Variants in SDCCAG8 observed in about 807,000 individuals in gnomAD.
SDCCAG8 encodes the protein serologically defined colon cancer antigen 8.
In SDCCAG8, 74 loss-of-function variants were observed where a neutral mutation model predicts 101.8. That is an observed-to-expected ratio of 0.73 (90% CI 0.60 to 0.88). The LOEUF (loss-of-function observed/expected upper bound fraction) is 0.88. SDCCAG8 is among the 40% of genes least tolerant of loss of function. The pLI is 0.00. For synonymous variants in SDCCAG8, 281 were observed against 292.9 expected (o/e 0.96, Z 0.41); for missense variants, 787 against 822.6 (o/e 0.96, Z 0.53).
intron 13 of SDCCAG8, among the ~76,000 whole-genome samples, chr1:243,405,865 G>A (rs2079742483): frequency 2.0e-5 from 3 of 151,412 alleles, no homozygotes; most frequent in South Asian, 4.2e-4. Flanking sequence ...TAGCCACAAG[G>A]GAACCAACAT....
chr1:243,482,898 C>T (rs1477360145), intron 16 of SDCCAG8, among the ~76,000 whole-genome samples: 1 of 152,158 alleles, frequency 6.6e-6, no homozygotes, highest in Non-Finnish European at 1.5e-5. Flanking sequence ...TCGGACGATT[C>T]TGTGTTTCCT....
In SDCCAG8 at chr1:243,474,832, C is replaced by A. The variant is rs1219957143; in HGVS notation, c.1986-14182C>A. Among the ~76,000 whole-genome samples the A allele has an allele frequency of 1.3e-5, 2 of 152,254 alleles. No homozygotes were observed. Among genetic ancestry groups the A allele is most frequent in the African/African-American group, 4.8e-5 (2 of 41,474 alleles). ...TGAACGTGCACAGCCGCTCCTAACT[C>A]CGTCAACGGAATTTCACTCAACTCC... On this transcript the variant is annotated intron_variant, in intron 16 of 17. Coordinates refer to ENST00000366541, the MANE Select transcript of SDCCAG8 (RefSeq NM_006642.5). The surrounding 1 kb of genome is among the most constrained non-coding windows in gnomAD (Gnocchi z 4.7).
At chr1:243,457,963 T>TA in intron 16 of SDCCAG8, among the ~76,000 whole-genome samples, 1 of 152,256 alleles carries the variant, frequency 6.6e-6, no homozygotes, top group African/African-American at 2.4e-5. Flanking sequence ...AATTTGGCTA[T>TA]AATATGTTAG....
At position 243,426,471 on chromosome 1, in the gene SDCCAG8, A is replaced by G. The variant is rs1330860751; in HGVS notation, c.1898A>G (p.Asp633Gly). 6.2e-7 allele frequency: 1 copy of G among 1,613,768 alleles called. No homozygotes were observed. The highest frequency in any genetic ancestry group is 1.3e-5 in the African/African-American group (1 of 74,926). ...QLSQEKRYTY[D>G]KLGKLQRRNE... ...AGTCAAGAAAAAAGGTATACATATG[A>G]TAAATTGGGAAAGTTACAGAGAAGA... The change falls in exon 16 of 18, where the codon GAT becomes GGT. Residue 633 changes from aspartate (D) to glycine (G), a missense_variant. Transcript: ENST00000366541.
intron 12 of SDCCAG8, among the ~76,000 whole-genome samples, chr1:243,345,655 C>G (rs1349154402): frequency 6.6e-6 from 1 of 152,038 alleles, no homozygotes; most frequent in Middle Eastern, 3.2e-3. Context: ...ATATTTTGGA[C>G]TAACTGCAAA....
At chr1:243,347,762 A>AT (rs2075804290) in intron 12 of SDCCAG8, among the ~76,000 whole-genome samples, 1 of 152,156 alleles carries the variant, frequency 6.6e-6, no homozygotes, top group African/African-American at 2.4e-5. Flanking sequence ...CATGACAAGG[A>AT]TGAGCTGACC....
At chr1:243,469,841 T>G (rs971572993) in intron 16 of SDCCAG8, among the ~76,000 whole-genome samples, 1 of 151,048 alleles carries the variant, frequency 6.6e-6, no homozygotes, top group Non-Finnish European at 1.5e-5. Flanking sequence ...TTTTTTTTTT[T>G]TTTTTTTTTT....
intron 12 of SDCCAG8, among the ~76,000 whole-genome samples, chr1:243,365,610 A>G (rs2076951401): frequency 6.6e-6 from 1 of 152,164 alleles, no homozygotes; most frequent in Non-Finnish European, 1.5e-5. Flanking sequence ...AGACAAAATA[A>G]TTTTGCCAAA....
intron 10 of SDCCAG8, among the ~76,000 whole-genome samples, chr1:243,331,139 G>A (rs993116199): frequency 6.6e-6 from 1 of 152,196 alleles, no homozygotes; most frequent in African/African-American, 2.4e-5. Context: ...AAGTGATTAT[G>A]CACTCTGTAT....
chr1:243,259,217 C>G (rs141929491), intron 1 of SDCCAG8, among the ~76,000 whole-genome samples: 24 of 150,678 alleles, frequency 1.6e-4, no homozygotes, highest in Admixed American at 6.6e-4. Flanking sequence ...CTGGCTAACA[C>G]GGTGAAACCC....
rs1406280759 is a variant in SDCCAG8, at chr1:243,415,699, C to A, written c.1617-3C>A. The A allele has an allele frequency of 6.2e-7, 1 of 1,613,580 alleles. No individual in the cohort carries two copies. Among genetic ancestry groups the A allele is most frequent in the Non-Finnish European group, 8.5e-7 (1 of 1,179,724 alleles). On this transcript the variant is annotated splice_region_variant and splice_polypyrimidine_tract_variant and intron_variant, in intron 13 of 17. Coordinates refer to ENST00000366541, the MANE Select transcript of SDCCAG8 (RefSeq NM_006642.5). Reference sequence around the variant, plus strand: ...TTCTGTATGTCTCCTCTCTGTTTTGCAGACAGGAAAAAGATAGCATTCAGC... The same window carrying A: ...TTCTGTATGTCTCCTCTCTGTTTTGAAGACAGGAAAAAGATAGCATTCAGC...
intron 17 of SDCCAG8, among the ~76,000 whole-genome samples, chr1:243,499,110 A>C (rs1668833878): frequency 2.0e-5 from 3 of 152,356 alleles, no homozygotes; most frequent in South Asian, 4.1e-4. Context: ...GGCCAGGAAC[A>C]GTATTCAATA....
At chr1:243,373,086 TTA>T (rs2077399137) in intron 12 of SDCCAG8, among the ~76,000 whole-genome samples, 1 of 151,912 alleles carries the variant, frequency 6.6e-6, no homozygotes, top group Non-Finnish European at 1.5e-5. Flanking sequence ...CTTCTTACAT[TTA>T]TATGTGTGTG....
intron 12 of SDCCAG8, among the ~76,000 whole-genome samples, chr1:243,359,367 G>A (rs932058967): frequency 2.0e-5 from 3 of 152,168 alleles, no homozygotes; most frequent in East Asian, 1.9e-4. Context: ...ACTAAACTCC[G>A]TGAATGTACT....
At chr1:243,322,134 C>G (rs974976737) in intron 9 of SDCCAG8, among the ~76,000 whole-genome samples, 1 of 152,224 alleles carries the variant, frequency 6.6e-6, no homozygotes, top group Non-Finnish European at 1.5e-5. Context: ...AAGCCAAGGG[C>G]TTGCTTCCCT....
At chr1:243,455,172 C>T (rs555302834) in intron 16 of SDCCAG8, among the ~76,000 whole-genome samples, 16 of 152,208 alleles carry the variant, frequency 1.1e-4, no homozygotes, top group African/African-American at 3.9e-4. Context: ...AAAGCTTTAA[C>T]AAAAAATTCC....
At chr1:243,374,607 T>G (rs2077484199) in intron 12 of SDCCAG8, among the ~76,000 whole-genome samples, 1 of 152,096 alleles carries the variant, frequency 6.6e-6, no homozygotes, top group Admixed American at 6.6e-5. Flanking sequence ...AACAATCAAG[T>G]GTACACATAC....
At chr1:243,270,008 A>G (rs2067956171) in intron 1 of SDCCAG8, 97 bp from the exon 2 acceptor site, 1 of 1,543,514 alleles carries the variant, frequency 6.5e-7, no homozygotes, top group Non-Finnish European at 8.9e-7. Flanking sequence ...AGTACGAGAA[A>G]TAATGATTTC....
At position 243,256,188 on chromosome 1, in the gene SDCCAG8, G is replaced by A. The variant is rs922791738; in HGVS notation, c.15G>A (p.Pro5=). 2 of 1,614,064 alleles carry A rather than the reference G, an allele frequency of 1.2e-6. No homozygotes were observed. Among genetic ancestry groups the A allele is most frequent in the African/African-American group, 1.3e-5 (1 of 74,928 alleles). ...AGAGTGCGTGCATGGCGAAGTCCCC[G>A]GAGAACTCTACCCTGGAGGAGATTC... MAKS[P]ENSTLEEILG... Residue 5 remains proline (P), a synonymous_variant, in exon 1 of 18, where the codon CCG becomes CCA. Coordinates refer to ENST00000366541, the MANE Select transcript of SDCCAG8 (RefSeq NM_006642.5).
Sources: gnomAD v4.1 joint callset for allele counts (sites outside exome capture counted in the v4.1 genomes callset) on GRCh38, gnomAD v4.1.1 for gene constraint, Gnocchi (gnomAD v3.1) non-coding constraint, MANE v1.5 for transcripts, NCBI Gene and HGNC (gene_info 2026-07-23, HGNC 2026-07-21) for gene names.